JAZF1: variants seen among roughly 807,000 people sequenced by gnomAD.
The protein encoded by JAZF1 is juxtaposed with another zinc finger protein 1.
Under a neutral mutation model 26.4 loss-of-function variants are expected in JAZF1, and 8 were observed. That is an observed-to-expected ratio of 0.30 (90% CI 0.18 to 0.55). The LOEUF (loss-of-function observed/expected upper bound fraction) is 0.55. JAZF1 is among the 20% of genes least tolerant of loss of function. The probability of loss-of-function intolerance (pLI) is 0.94; values close to 1 mark genes in which losing one functional copy is unlikely to be tolerated. For missense variants in JAZF1, 199 were observed against 322.0 expected, an observed-to-expected ratio of 0.62 and a Z score of 2.92; for synonymous variants, 126 against 122.3, an observed-to-expected ratio of 1.03 and a Z score of -0.20.
At chr7:28,115,981 T>C (rs1452696097) in intron 1 of JAZF1, among the ~76,000 whole-genome samples, 1 of 152,222 alleles carries the variant, frequency 6.6e-6, no homozygotes, top group East Asian at 1.9e-4. Flanking sequence ...AGAGTTTCCA[T>C]GCTCTCTTTA....
chr7:28,005,377 G>A (rs1212255367), intron 1 of JAZF1, among the ~76,000 whole-genome samples: 5 of 150,364 alleles, frequency 3.3e-5, no homozygotes, highest in Admixed American at 2.0e-4. Context: ...AATTGCCTTC[G>A]TTACTTCCTA....
intron 2 of JAZF1, among the ~76,000 whole-genome samples, chr7:27,986,892 A>G (rs1785726592): frequency 6.6e-6 from 1 of 152,090 alleles, no homozygotes; most frequent in South Asian, 2.1e-4. Flanking sequence ...CCTGACTGTG[A>G]GTGATCTGCC....
chr7:28,151,703 G>A (rs1039064603), intron 1 of JAZF1, among the ~76,000 whole-genome samples: 21 of 151,948 alleles, frequency 1.4e-4, no homozygotes, highest in African/African-American at 4.6e-4. Context: ...TTGGGAGGCT[G>A]AGGCTTGAAC....
At chr7:28,172,128 T>C (rs1041109826) in intron 1 of JAZF1, among the ~76,000 whole-genome samples, 5 of 152,238 alleles carry the variant, frequency 3.3e-5, no homozygotes, top group African/African-American at 9.6e-5. Flanking sequence ...TTGGGCTGTA[T>C]ACTCTGATGA....
intron 1 of JAZF1, among the ~76,000 whole-genome samples, chr7:28,102,623 TG>T (rs1481443519): frequency 1.3e-5 from 2 of 152,204 alleles, no homozygotes; most frequent in Non-Finnish European, 2.9e-5. Context: ...CATATGTGGT[TG>T]AAAAAAAGTC....
chr7:28,077,484 A>C (rs962683419), intron 1 of JAZF1, among the ~76,000 whole-genome samples: 5 of 152,136 alleles, frequency 3.3e-5, no homozygotes, highest in Admixed American at 6.5e-5. Context: ...TAACTGGTAT[A>C]ACCACAAAAA....
intron 2 of JAZF1, among the ~76,000 whole-genome samples, chr7:27,906,854 TAA>T (rs1292101812): frequency 6.6e-6 from 1 of 152,184 alleles, no homozygotes; most frequent in African/African-American, 2.4e-5. Flanking sequence ...GACATCCACG[TAA>T]AGACTAATGA....
At chr7:28,027,800 C>T (rs1583517436) in intron 1 of JAZF1, among the ~76,000 whole-genome samples, 1 of 152,186 alleles carries the variant, frequency 6.6e-6, no homozygotes, top group African/African-American at 2.4e-5. Context: ...ATTAAATGTG[C>T]AGCTATGTAC....
At chr7:27,876,735 T>C (rs1208704836) in intron 3 of JAZF1, among the ~76,000 whole-genome samples, 5 of 152,216 alleles carry the variant, frequency 3.3e-5, no homozygotes, top group South Asian at 4.1e-4. Flanking sequence ...CGCAAGGTGA[T>C]GGCAAGATCA....
At chr7:27,836,904 A>C (rs563309234) in intron 4 of JAZF1, among the ~76,000 whole-genome samples, 171 of 152,302 alleles carry the variant, frequency 1.1e-3, no homozygotes, top group African/African-American at 3.9e-3. Flanking sequence ...AAGAACAGAC[A>C]CTATCACTGT....
intron 1 of JAZF1, among the ~76,000 whole-genome samples, chr7:28,151,513 G>A (rs896139687): frequency 6.6e-6 from 1 of 151,796 alleles, no homozygotes; most frequent in African/African-American, 2.4e-5. Flanking sequence ...CAAAAACAAA[G>A]GATGAGGCCA....
intron 3 of JAZF1, among the ~76,000 whole-genome samples, chr7:27,862,524 T>C (rs1783403814): frequency 6.6e-6 from 1 of 152,194 alleles, no homozygotes; most frequent in African/African-American, 2.4e-5. Context: ...AGTGCAGCCA[T>C]CATCTCAAAC....
chr7:28,031,149 C>G (rs1226544894), intron 1 of JAZF1, among the ~76,000 whole-genome samples: 1 of 152,202 alleles, frequency 6.6e-6, no homozygotes, highest in African/African-American at 2.4e-5. Context: ...TTCAGCTCTC[C>G]TTTGCATCCT....
In JAZF1 at chr7:27,947,199, G is replaced by A. The variant is rs528449921; in HGVS notation, c.188+44710C>T. 9.9e-5 allele frequency among the ~76,000 whole-genome samples: 15 copies of A among 152,208 alleles called. No homozygotes were observed. The South Asian group carries it at 1.5e-3, about 15-fold the overall frequency. ...GATGATATTATACATTTTCATTGTCGTCAAGAGTCTACGTTTTTGTTCCTT... is the reference window on the plus strand; with the variant it reads ...GATGATATTATACATTTTCATTGTCATCAAGAGTCTACGTTTTTGTTCCTT... On this transcript the variant is annotated intron_variant, in intron 2 of 4. Transcript: ENST00000283928.
chr7:27,913,308 T>G, intron 2 of JAZF1: 1 of 409,196 alleles, frequency 2.4e-6, no homozygotes, highest in Non-Finnish European at 4.9e-6. Flanking sequence ...TGTGTGTGTG[T>G]AGCCAGATTG....
intron 3 of JAZF1, among the ~76,000 whole-genome samples, chr7:27,853,917 C>T (rs1369089741): frequency 2.6e-5 from 4 of 152,266 alleles, no homozygotes; most frequent in South Asian, 2.1e-4. Context: ...GAGTTCAAGT[C>T]CTGAATATCC....
intron 3 of JAZF1, among the ~76,000 whole-genome samples, chr7:27,847,230 T>G (rs183852179): frequency 2.3e-3 from 353 of 151,490 alleles, no homozygotes; most frequent in African/African-American, 8.2e-3. Flanking sequence ...CCTCAGGTGA[T>G]CCACCCACCT....
At chr7:27,890,709 G>C (rs1783958073) in intron 3 of JAZF1, among the ~76,000 whole-genome samples, 1 of 151,036 alleles carries the variant, frequency 6.6e-6, no homozygotes, top group Non-Finnish European at 1.5e-5. Flanking sequence ...AAAGAATACA[G>C]TAAGCACACA....
At chr7:28,147,126 A>C (rs1371677967) in intron 1 of JAZF1, among the ~76,000 whole-genome samples, 1 of 151,548 alleles carries the variant, frequency 6.6e-6, no homozygotes. Flanking sequence ...GATTATAGGC[A>C]TGAGCCAGTG....
Sources: gnomAD v4.1 joint callset for allele counts (sites outside exome capture counted in the v4.1 genomes callset) on GRCh38, gnomAD v4.1.1 for gene constraint, MANE v1.5 for transcripts, NCBI Gene and HGNC (gene_info 2026-07-23, HGNC 2026-07-21) for gene names.